Variants in PHACTR1 observed in about 807,000 individuals in gnomAD.
PHACTR1 encodes the protein phosphatase and actin regulator 1.
Under a neutral mutation model 69.2 loss-of-function variants are expected in PHACTR1, and 16 were observed. The ratio of observed to expected loss-of-function variants is 0.23; its 90% CI spans 0.16 to 0.35. PHACTR1 has a LOEUF of 0.35. Among genes scored for constraint, PHACTR1 ranks in the 10% least tolerant of loss-of-function variants. PHACTR1 has a pLI of 1.00. For synonymous variants in PHACTR1, 312 were observed against 284.5 expected (o/e 1.10, Z -0.97); for missense variants, 510 against 734.7 (o/e 0.69, Z 3.54).
chr6:13,253,123 C>G, intron 10 of PHACTR1: 1 of 430,870 alleles, frequency 2.3e-6, no homozygotes, highest in South Asian at 1.6e-5. Flanking sequence ...TCCCCACCCT[C>G]TATCCTCAGC....
At chr6:12,827,337 C>G (rs1369107056) in intron 4 of PHACTR1, among the ~76,000 whole-genome samples, 3 of 152,124 alleles carry the variant, frequency 2.0e-5, no homozygotes, top group Admixed American at 2.0e-4. Context: ...AAAGCTCCAT[C>G]CCTAGAAAAA....
intron 10 of PHACTR1, among the ~76,000 whole-genome samples, chr6:13,240,783 C>T (rs1307970868): frequency 6.6e-6 from 1 of 152,158 alleles, no homozygotes; most frequent in African/African-American, 2.4e-5. Flanking sequence ...ATCAATCCAT[C>T]TACATTTAAA....
rs942022193 is a variant in PHACTR1, at chr6:12,860,811, G to A, written c.250+111021G>A. Among the ~76,000 whole-genome samples, 6 of 152,256 alleles carry A rather than the reference G, an allele frequency of 3.9e-5. No homozygotes were observed. The South Asian group carries it at 1.0e-3, about 26-fold the overall frequency. On this transcript the variant is annotated intron_variant, in intron 4 of 14. Transcript: ENST00000332995. Reference sequence around the variant, plus strand: ...AAATGTCTTCTTTTGAAAAGTGTCTGTTCATATAAGAAGCATATCTTAAGT... The same window carrying A: ...AAATGTCTTCTTTTGAAAAGTGTCTATTCATATAAGAAGCATATCTTAAGT...
rs1030952122 is a variant in PHACTR1 at position 13,283,318 on chromosome 6, G to A, written c.1510-104G>A. On this transcript the variant is annotated intron_variant, in intron 12 of 14. Transcript: ENST00000332995. This position sits in a 1 kb window ranked among gnomAD's most constrained non-coding sequence, Gnocchi z 4.7. ...TCACTCACTATGCGATGCATCCATC[G>A]CCTCACTGAACCTTATTTTCCACAC... 23 of 1,123,600 alleles carry A rather than the reference G, an allele frequency of 2.0e-5. No homozygotes were observed. Among genetic ancestry groups the A allele is most frequent in the Non-Finnish European group, 2.7e-5 (22 of 826,562 alleles). The allele number at this position is 1,123,600 out of a possible 1,614,324, so 69.6% of individuals were successfully genotyped here. A position where few individuals can be genotyped will look rare whatever the true frequency, so the allele number is the denominator to read the frequency against.
At chr6:13,086,469 A>T (rs1398330846) in intron 5 of PHACTR1, among the ~76,000 whole-genome samples, 1 of 152,060 alleles carries the variant, frequency 6.6e-6, no homozygotes, top group Admixed American at 6.6e-5. Context: ...GCCCTAAAAA[A>T]TTCCTTCATT....
chr6:12,753,627 A>C (rs985639340), intron 4 of PHACTR1, among the ~76,000 whole-genome samples: 7 of 152,174 alleles, frequency 4.6e-5, no homozygotes, highest in Admixed American at 2.6e-4. Flanking sequence ...TATGGTCAAC[A>C]CCAGCATAAT....
intron 7 of PHACTR1, among the ~76,000 whole-genome samples, chr6:13,190,196 G>GTTTTGTTTT (rs1220683843): frequency 0.028 from 878 of 31,834 alleles, 20 homozygotes; most frequent in African/African-American, 0.087. Context: ...GCTAATTTTT[G>GTTTTGTTTT]TATTTTTTTT....
chr6:12,988,093 A>AAGACATGTTT (rs1796407334), intron 4 of PHACTR1, among the ~76,000 whole-genome samples: 1 of 152,130 alleles, frequency 6.6e-6, no homozygotes, highest in African/African-American at 2.4e-5. Context: ...CTCTAATCTT[A>AAGACATGTTT]AACATGTCAT....
chr6:13,255,751 G>T (rs1332072667), intron 10 of PHACTR1, among the ~76,000 whole-genome samples: 1 of 152,234 alleles, frequency 6.6e-6, no homozygotes, highest in Non-Finnish European at 1.5e-5. Flanking sequence ...CACTGGTGTG[G>T]ATGGTGGGCA....
intron 4 of PHACTR1, among the ~76,000 whole-genome samples, chr6:12,807,369 G>T (rs1469059318): frequency 6.6e-6 from 1 of 152,056 alleles, no homozygotes; most frequent in African/African-American, 2.4e-5. Flanking sequence ...CTTTTATTCC[G>T]CAACAGGCTG....
intron 5 of PHACTR1, among the ~76,000 whole-genome samples, chr6:13,147,476 C>A (rs531117927): frequency 2.0e-5 from 3 of 152,182 alleles, no homozygotes; most frequent in Non-Finnish European, 4.4e-5. Context: ...AAATTACTCA[C>A]CTCTAAAACT....
chr6:13,032,503 T>C (rs1279426226), intron 4 of PHACTR1, among the ~76,000 whole-genome samples: 1 of 152,232 alleles, frequency 6.6e-6, no homozygotes, highest in Non-Finnish European at 1.5e-5. Flanking sequence ...TTTACAGCAG[T>C]GTTTTCTAGA....
intron 10 of PHACTR1, among the ~76,000 whole-genome samples, chr6:13,258,423 T>C (rs1056522555): frequency 4.6e-5 from 7 of 151,480 alleles, no homozygotes; most frequent in Admixed American, 1.3e-4. Context: ...TGGTTAAGAA[T>C]GTGGCCCAGG....
chr6:13,114,409 C>G (rs1168333720), intron 5 of PHACTR1, among the ~76,000 whole-genome samples: 2 of 152,146 alleles, frequency 1.3e-5, no homozygotes, highest in East Asian at 3.8e-4. Flanking sequence ...GTAATCCTGT[C>G]TGACTTGATC....
At chr6:12,950,519 G>A (rs7774403) in intron 4 of PHACTR1, among the ~76,000 whole-genome samples, 77,316 of 152,078 alleles carry the variant, frequency 0.51, 22,857 homozygotes, top group African/African-American at 0.82. Context: ...TTTGGAAAAT[G>A]CAATCTGCAA....
chr6:13,154,505 T>C (rs1257426910), intron 5 of PHACTR1, among the ~76,000 whole-genome samples: 1 of 152,208 alleles, frequency 6.6e-6, no homozygotes, highest in Non-Finnish European at 1.5e-5. Context: ...TTTTTGGATT[T>C]GAGAATAGGT....
chr6:13,140,629 G>T lies in PHACTR1; in HGVS notation c.416-19575G>T, dbSNP rs528571771. On this transcript the variant is annotated intron_variant, in intron 5 of 14. Transcript: ENST00000332995. Reference sequence around the variant, plus strand: ...AGTAGAATGGTGGTTGCCAGGGCCTGGGTTGTAGGGGAATGAGGAGTTACT... The same window carrying T: ...AGTAGAATGGTGGTTGCCAGGGCCTTGGTTGTAGGGGAATGAGGAGTTACT... Among the ~76,000 whole-genome samples the T allele has an allele frequency of 1.3e-4, 20 of 152,288 alleles. No homozygotes were observed. The South Asian group carries it at 4.1e-3, about 32-fold the overall frequency.
intron 4 of PHACTR1, among the ~76,000 whole-genome samples, chr6:12,830,155 A>AAGAAAGAC (rs1561924078): frequency 1.4e-5 from 2 of 143,372 alleles, no homozygotes; most frequent in South Asian, 2.3e-4. Flanking sequence ...GAAAGAAAGA[A>AAGAAAGAC]AGACATCTTC....
At chr6:13,134,337 T>C (rs1261657521) in intron 5 of PHACTR1, among the ~76,000 whole-genome samples, 2 of 152,178 alleles carry the variant, frequency 1.3e-5, no homozygotes, top group African/African-American at 4.8e-5. Context: ...CGATGGCGGT[T>C]TTGTCGAGTG....
Sources: allele counts gnomAD v4.1 joint callset (sites outside exome capture counted in the v4.1 genomes callset), GRCh38; gene constraint gnomAD v4.1.1; non-coding constraint Gnocchi (gnomAD v3.1); transcripts MANE v1.5; gene names NCBI Gene and HGNC (gene_info 2026-07-23, HGNC 2026-07-21).